Variants in ST6GALNAC3 observed in about 807,000 individuals in gnomAD.
The protein encoded by ST6GALNAC3 is alpha-N-acetylgalactosaminide alpha-2,6-sialyltransferase 3.
ST6GALNAC3 carries 25 observed loss-of-function variants against 32.7 expected under a neutral mutation model. That is an observed-to-expected ratio of 0.76 (90% confidence interval 0.56 to 1.07). ST6GALNAC3 has a LOEUF of 1.07. Among genes scored for constraint, ST6GALNAC3 ranks in the 50% least tolerant of loss-of-function variants. The pLI is 0.00. For synonymous variants in ST6GALNAC3, 129 were observed against 133.1 expected, an observed-to-expected ratio of 0.97 and a Z score of 0.21; for missense variants, 355 against 382.4, an observed-to-expected ratio of 0.93 and a Z score of 0.60.
intron 2 of ST6GALNAC3, among the ~76,000 whole-genome samples, chr1:76,363,432 A>G (rs1650122060): frequency 6.6e-6 from 1 of 152,202 alleles, no homozygotes; most frequent in African/African-American, 2.4e-5. Context: ...TCACATCACT[A>G]TCAGCACTTT....
intron 3 of ST6GALNAC3, among the ~76,000 whole-genome samples, chr1:76,544,106 T>G (rs1164339989): frequency 1.3e-5 from 2 of 150,184 alleles, no homozygotes; most frequent in Non-Finnish European, 3.0e-5. Context: ...TATATGAAAT[T>G]TAAATTGAGC....
chr1:76,139,222 A>C (rs1286771264), intron 1 of ST6GALNAC3, among the ~76,000 whole-genome samples: 1 of 151,174 alleles, frequency 6.6e-6, no homozygotes, highest in African/African-American at 2.5e-5. Context: ...AAATCTATGC[A>C]CCTACACATA....
chr1:76,603,769 C>G (rs1332682168), intron 3 of ST6GALNAC3, among the ~76,000 whole-genome samples: 1 of 152,180 alleles, frequency 6.6e-6, no homozygotes, highest in African/African-American at 2.4e-5. Flanking sequence ...AACTCCTGAG[C>G]TCAGGCAGTC....
chr1:76,120,725 C>T (rs1001416799), intron 1 of ST6GALNAC3, among the ~76,000 whole-genome samples: 3 of 152,198 alleles, frequency 2.0e-5, no homozygotes, highest in Non-Finnish European at 4.4e-5. Flanking sequence ...CCAACTCCTG[C>T]TCTTTCTCTG....
chr1:76,110,690 T>C (rs897285730), intron 1 of ST6GALNAC3, among the ~76,000 whole-genome samples: 1 of 152,236 alleles, frequency 6.6e-6, no homozygotes, highest in African/African-American at 2.4e-5. Flanking sequence ...TGGATGGTCT[T>C]GGCACAACAA....
In ST6GALNAC3 at chr1:76,115,310, G is replaced by T. The variant is rs77473916; in HGVS notation, c.18+40426G>T. On this transcript the variant is annotated intron_variant, in intron 1 of 4. Coordinates refer to ENST00000328299, the MANE Select transcript of ST6GALNAC3 (RefSeq NM_152996.4). ...AGTATGCCTCTAAGTAAACCAAGTAGCTCCTCCTCCCCCTCAACACCTGGT... is the reference window on the plus strand; with the variant it reads ...AGTATGCCTCTAAGTAAACCAAGTATCTCCTCCTCCCCCTCAACACCTGGT... Among the ~76,000 whole-genome samples, 148 of 151,916 alleles carry T rather than the reference G, an allele frequency of 9.7e-4. 1 individual carries two copies. The East Asian group carries it at 0.028, about 28-fold the overall frequency.
intron 1 of ST6GALNAC3, among the ~76,000 whole-genome samples, chr1:76,292,837 T>C (rs910497932): frequency 1.3e-5 from 2 of 152,158 alleles, no homozygotes; most frequent in African/African-American, 4.8e-5. Context: ...ACAAACACTT[T>C]CTGATATATA....
intron 3 of ST6GALNAC3, among the ~76,000 whole-genome samples, chr1:76,472,116 T>G (rs576482990): frequency 6.6e-6 from 1 of 152,078 alleles, no homozygotes; most frequent in Non-Finnish European, 1.5e-5. Flanking sequence ...ATTTGTGAGT[T>G]TCTTGTTTGA....
At position 76,221,814 on chromosome 1, in the gene ST6GALNAC3, C is replaced by A. The variant is rs115215953; in HGVS notation, c.19-91991C>A. On this transcript the variant is annotated intron_variant, in intron 1 of 4. Coordinates refer to ENST00000328299, the MANE Select transcript of ST6GALNAC3 (RefSeq NM_152996.4). ...CAGGTTCTGACTTAATTCAACTTAA[C>A]TGTAGAGATTATTGGCATAAGAGTT... Among the ~76,000 whole-genome samples the A allele has an allele frequency of 5.3e-3, 804 of 152,244 alleles. 11 individuals carry two copies. The highest frequency in any genetic ancestry group is 0.018 in the African/African-American group (761 of 41,546).
chr1:76,288,979 C>G (rs1570704132), intron 1 of ST6GALNAC3, among the ~76,000 whole-genome samples: 1 of 152,332 alleles, frequency 6.6e-6, no homozygotes, highest in South Asian at 2.1e-4. Flanking sequence ...ACACTTCCCC[C>G]TCCAAAGTAC....
At chr1:76,192,300 C>T (rs2706179) in intron 1 of ST6GALNAC3, among the ~76,000 whole-genome samples, 112,102 of 152,078 alleles carry the variant, frequency 0.74, 42,450 homozygotes, top group East Asian at 0.95. Context: ...ATTTTGGGCA[C>T]AGAAAACATG....
At chr1:76,183,888 A>G (rs551289986) in intron 1 of ST6GALNAC3, among the ~76,000 whole-genome samples, 1 of 140,474 alleles carries the variant, frequency 7.1e-6, no homozygotes, top group South Asian at 2.2e-4. Context: ...GTTACTGAAT[A>G]TGTTATATAT....
intron 3 of ST6GALNAC3, among the ~76,000 whole-genome samples, chr1:76,613,936 G>T (rs905144371): frequency 6.6e-6 from 1 of 152,190 alleles, no homozygotes; most frequent in East Asian, 1.9e-4. Flanking sequence ...TGGTGATTTG[G>T]GTTGGATTCC....
At position 76,540,453 on chromosome 1, in the gene ST6GALNAC3, T is replaced by C. The variant is rs563116790; in HGVS notation, c.624-86999T>C. On this transcript the variant is annotated intron_variant, in intron 3 of 4. Transcript: ENST00000328299. ...ACCTATGTAACAAGGCTGCATCTTC[T>C]GCACATGTATCCCATTTTTATTAAA... 3.1e-3 allele frequency among the ~76,000 whole-genome samples: 478 copies of C among 152,288 alleles called. 3 individuals carry two copies. Among genetic ancestry groups the C allele is most frequent in the Non-Finnish European group, 4.7e-3 (317 of 68,008 alleles).
At chr1:76,535,194 C>T (rs561150088) in intron 3 of ST6GALNAC3, among the ~76,000 whole-genome samples, 67 of 152,248 alleles carry the variant, frequency 4.4e-4, no homozygotes, top group African/African-American at 1.6e-3. Context: ...AAATGAACTA[C>T]TACCTGTAAA....
chr1:76,462,137 C>G (rs1360012452), intron 3 of ST6GALNAC3, among the ~76,000 whole-genome samples: 1 of 151,920 alleles, frequency 6.6e-6, no homozygotes, highest in African/African-American at 2.4e-5. Context: ...CTGTAAACTT[C>G]TTGAGAGCAA....
chr1:76,622,109 T>C (rs1256104725), intron 3 of ST6GALNAC3, among the ~76,000 whole-genome samples: 1 of 151,952 alleles, frequency 6.6e-6, no homozygotes, highest in East Asian at 1.9e-4. Context: ...TGCCTGAGGC[T>C]TGACTTTCAT....
chr1:76,200,722 G>A (rs1338149771), intron 1 of ST6GALNAC3, among the ~76,000 whole-genome samples: 1 of 152,112 alleles, frequency 6.6e-6, no homozygotes, highest in Non-Finnish European at 1.5e-5. Context: ...ACACAAGTTT[G>A]AAACTATTTA....
intron 1 of ST6GALNAC3, among the ~76,000 whole-genome samples, chr1:76,207,955 C>T (rs1045052939): frequency 2.6e-5 from 4 of 152,164 alleles, no homozygotes; most frequent in Admixed American, 6.5e-5. Flanking sequence ...CCTGAGATGG[C>T]ACAAGAGGAA....
Sources: gnomAD v4.1 joint callset for allele counts (sites outside exome capture counted in the v4.1 genomes callset) on GRCh38, gnomAD v4.1.1 for gene constraint, MANE v1.5 for transcripts, NCBI Gene and HGNC (gene_info 2026-07-23, HGNC 2026-07-21) for gene names.